Variants in CCDC63 observed in about 807,000 individuals in gnomAD.
The protein encoded by CCDC63 is coiled-coil domain containing 63.
A neutral mutation model predicts 63.6 loss-of-function variants in CCDC63; 54 were observed. The observed-to-expected ratio is 0.85, with a 90% CI of 0.68 to 1.07. CCDC63 has a LOEUF of 1.07. CCDC63 is among the 50% of genes least tolerant of loss of function. The pLI is 0.00. For synonymous variants in CCDC63, 253 were observed against 266.1 expected (o/e 0.95, Z 0.48); for missense variants, 637 against 689.6 (o/e 0.92, Z 0.86).
chr12:110,883,349 T>G (rs910126024), intron 7 of CCDC63, among the ~76,000 whole-genome samples: 4 of 152,090 alleles, frequency 2.6e-5, no homozygotes, highest in Non-Finnish European at 4.4e-5. Context: ...TTTTAAAAAT[T>G]TTTTGTAGAG....
At chr12:110,891,619 A>C (rs1379721037) in intron 8 of CCDC63, among the ~76,000 whole-genome samples, 1 of 143,078 alleles carries the variant, frequency 7.0e-6, no homozygotes, top group Non-Finnish European at 1.5e-5. Flanking sequence ...TGGGTGACAG[A>C]GAGAGACCCT....
Position 110,858,463 on chromosome 12 carries a change from T to C in CCDC63, c.180-123T>C, listed in dbSNP as rs189820461. ...TCTGAGACCATGGACACGTCCCTTT[T>C]GCCTGCTTGCTCAGGTGGGAAATTC... On this transcript the variant is annotated intron_variant, in intron 3 of 11. Transcript: ENST00000308208. The C allele has an allele frequency of 3.6e-4, 273 of 766,452 alleles. 1 individual carries two copies. The East Asian group carries it at 5.0e-3, about 14-fold the overall frequency. The allele number at this position is 766,452 out of a possible 1,614,324, so 47.5% of individuals were successfully genotyped here.
At chr12:110,856,766 T>C (rs2070776849) in intron 3 of CCDC63, among the ~76,000 whole-genome samples, 1 of 152,030 alleles carries the variant, frequency 6.6e-6, no homozygotes, top group Non-Finnish European at 1.5e-5. Flanking sequence ...TAAATCTCTA[T>C]TGGCACACAG....
At chr12:110,898,900 C>A in intron 9 of CCDC63, 33 bp from the exon 10 acceptor site, 2 of 1,532,456 alleles carry the variant, frequency 1.3e-6, no homozygotes, top group South Asian at 1.3e-5. Context: ...TGAAAGTCCT[C>A]CTGAGCAGGT....
At chr12:110,880,673 G>T (rs1204712531) in intron 6 of CCDC63, among the ~76,000 whole-genome samples, 1 of 1,714 alleles carries the variant, frequency 5.8e-4, no homozygotes, top group Admixed American at 6.6e-3. Context: ...GGTGATGATG[G>T]TGGTGACGAT....
intron 4 of CCDC63, among the ~76,000 whole-genome samples, chr12:110,866,014 G>A (rs184728702): frequency 9.6e-4 from 146 of 152,240 alleles, no homozygotes; most frequent in African/African-American, 3.5e-3. Flanking sequence ...GTCTCCCTCT[G>A]TCACCCAGGC....
At chr12:110,851,600 G>T (rs888011455) in intron 1 of CCDC63, among the ~76,000 whole-genome samples, 22 of 152,112 alleles carry the variant, frequency 1.4e-4, no homozygotes, top group African/African-American at 5.3e-4. Context: ...GAAGGTGGTG[G>T]GGTATGGTCA....
intron 4 of CCDC63, among the ~76,000 whole-genome samples, chr12:110,863,967 C>T (rs1056297960): frequency 3.3e-5 from 5 of 152,248 alleles, no homozygotes; most frequent in African/African-American, 7.2e-5. Flanking sequence ...CAGCTTCTGC[C>T]ATAGCCACAT....
Position 110,907,263 on chromosome 12 carries a change from A to G in CCDC63, c.1547-68A>G. ...CTCCCCAGTGCTATGGAGGGACGCC[A>G]AACCAGGCTTAGCCCCAGCCCTGGG... On this transcript the variant is annotated intron_variant, in intron 11 of 11. Coordinates refer to ENST00000308208, the MANE Select transcript of CCDC63 (RefSeq NM_152591.3). The surrounding 1 kb of genome is among the most constrained non-coding windows in gnomAD (Gnocchi z 4.4). The G allele has an allele frequency of 6.5e-7, 1 of 1,546,324 alleles. No individual in the cohort carries two copies. Among genetic ancestry groups the G allele is most frequent in the Non-Finnish European group, 8.8e-7 (1 of 1,141,580 alleles).
At chr12:110,859,748 G>T (rs1021771614) in intron 4 of CCDC63, among the ~76,000 whole-genome samples, 4 of 152,152 alleles carry the variant, frequency 2.6e-5, no homozygotes, top group Admixed American at 2.6e-4. Context: ...GGTCCGGGAA[G>T]GGCCACCCTC....
chr12:110,875,690 A>T (rs1217830866), intron 5 of CCDC63, among the ~76,000 whole-genome samples: 1 of 152,142 alleles, frequency 6.6e-6, no homozygotes, highest in Non-Finnish European at 1.5e-5. Context: ...TTTCCATAAG[A>T]TCTGTAGTAA....
chr12:110,866,263 C>T (rs1252790349), intron 4 of CCDC63, among the ~76,000 whole-genome samples: 1 of 150,430 alleles, frequency 6.6e-6, no homozygotes, highest in African/African-American at 2.5e-5. Context: ...CAGGCAGCAG[C>T]AACTTTTTAT....
chr12:110,904,477 AC>A, intron 10 of CCDC63, 110 bp from the exon 11 acceptor site: 1 of 861,930 alleles, frequency 1.2e-6, no homozygotes. Flanking sequence ...CAGATCCCGC[AC>A]CTCCTGTACT....
At chr12:110,903,218 C>A (rs1327302383) in intron 10 of CCDC63, among the ~76,000 whole-genome samples, 1 of 151,942 alleles carries the variant, frequency 6.6e-6, no homozygotes, top group African/African-American at 2.4e-5. Context: ...ACCATGTTGG[C>A]CAGACTGGTC....
At chr12:110,854,282 AT>A (rs1237124841) in intron 3 of CCDC63, among the ~76,000 whole-genome samples, 1 of 100,934 alleles carries the variant, frequency 9.9e-6, no homozygotes, top group Non-Finnish European at 2.1e-5. Flanking sequence ...GGAGTGTATC[AT>A]TTCTTTTCTC....
In CCDC63 at chr12:110,853,629, G is replaced by T; in HGVS notation, c.179+55G>T. 3 of 1,601,798 alleles carry T rather than the reference G, an allele frequency of 1.9e-6. No homozygotes were observed. The African/African-American group carries it at 4.0e-5, about 21-fold the overall frequency. On this transcript the variant is annotated intron_variant, in intron 3 of 11. Transcript: ENST00000308208. ...TGACCTTGGAGGAAAGTTGGGGTTGGGCTTCATGTTGCTTGTCTTCTGTTC... is the reference window on the plus strand; with the variant it reads ...TGACCTTGGAGGAAAGTTGGGGTTGTGCTTCATGTTGCTTGTCTTCTGTTC...
intron 4 of CCDC63, among the ~76,000 whole-genome samples, chr12:110,870,344 T>C (rs2071048297): frequency 6.6e-6 from 1 of 152,148 alleles, no homozygotes; most frequent in Non-Finnish European, 1.5e-5. Flanking sequence ...GGCCTCCCAA[T>C]GTGTTGGGAT....
chr12:110,863,167 C>T (rs2070883982), intron 4 of CCDC63, among the ~76,000 whole-genome samples: 1 of 151,448 alleles, frequency 6.6e-6, no homozygotes, highest in Non-Finnish European at 1.5e-5. Flanking sequence ...TGCCTGTGCA[C>T]GGAACAGAAG....
At chr12:110,891,772 T>C (rs1489243198) in intron 8 of CCDC63, among the ~76,000 whole-genome samples, 3 of 152,104 alleles carry the variant, frequency 2.0e-5, no homozygotes, top group Non-Finnish European at 1.5e-5. Context: ...CCCTCTCCCC[T>C]GTTTTATGAA....
Sources: gnomAD v4.1 joint callset for allele counts (sites outside exome capture counted in the v4.1 genomes callset) on GRCh38, gnomAD v4.1.1 for gene constraint, Gnocchi (gnomAD v3.1) non-coding constraint, MANE v1.5 for transcripts, NCBI Gene and HGNC (gene_info 2026-07-23, HGNC 2026-07-21) for gene names.